MAN2C1: variants seen among roughly 807,000 people sequenced by gnomAD.
MAN2C1 encodes alpha-mannosidase 2C1.
A neutral mutation model predicts 126.9 loss-of-function variants in MAN2C1; 111 were observed. The ratio of observed to expected loss-of-function variants is 0.87; its 90% CI spans 0.75 to 1.02. MAN2C1 has a LOEUF of 1.02. Ranked by LOEUF, MAN2C1 falls within the 50% of genes least tolerant of loss-of-function variation. The probability of loss-of-function intolerance (pLI) is 0.00; values close to 1 mark genes in which losing one functional copy is unlikely to be tolerated. For synonymous variants in MAN2C1, 567 were observed against 561.5 expected, an observed-to-expected ratio of 1.01 and a Z score of -0.14; for missense variants, 1,363 against 1,364.4, an observed-to-expected ratio of 1.00 and a Z score of 0.02.
Position 75,361,472 on chromosome 15 carries a change from G to T in MAN2C1, c.1219-91C>A. On this transcript the variant is annotated intron_variant, in intron 10 of 25. Transcript: ENST00000267978. This position sits in a 1 kb window ranked among gnomAD's most constrained non-coding sequence, Gnocchi z 5.0. The stretch of plus-strand genomic sequence containing the variant: ...TCCAGACTTGGTCCTGCCCCTGCCT[G>T]CTATGTGACCCTGGCAGAGGCAGAG... 1 of 1,279,072 alleles carries T rather than the reference G, an allele frequency of 7.8e-7. No homozygotes were observed. The highest frequency in any genetic ancestry group is 1.1e-6 in the Non-Finnish European group (1 of 879,384). 79.2% of individuals were successfully genotyped at this position (1,279,072 alleles called of 1,614,324 possible).
Position 75,361,198 on chromosome 15 carries a change from A to G in MAN2C1, c.1315-7T>C. ...TGGCCACGGTCTTCAGCACCTAGACAGGTGAGGGCAGGCCAGCATGGATCA... is the reference window on the plus strand; with the variant it reads ...TGGCCACGGTCTTCAGCACCTAGACGGGTGAGGGCAGGCCAGCATGGATCA... On this transcript the variant is annotated splice_polypyrimidine_tract_variant and splice_region_variant and intron_variant, in intron 11 of 25. Transcript: ENST00000267978. The surrounding 1 kb of genome is among the most constrained non-coding windows in gnomAD (Gnocchi z 5.0). 1.2e-6 allele frequency: 2 copies of G among 1,610,164 alleles called. No individual in the cohort carries two copies. Among genetic ancestry groups the G allele is most frequent in the South Asian group, 2.2e-5 (2 of 90,154 alleles).
At position 75,358,200 on chromosome 15, in the gene MAN2C1, C is replaced by T. The variant is rs757919438; in HGVS notation, c.2547+1G>A. ...GCCACTCCCACCCTGCCATGTCAGA[C>T]CTCAAATCGAGCCCAGTCCCAAGAG... is the stretch of plus-strand genomic sequence containing the variant. On this transcript the variant is annotated splice_donor_variant, in intron 21 of 25. Transcript: ENST00000267978. LOFTEE classifies it high-confidence loss of function. 2 of 1,614,088 alleles carry T rather than the reference C, an allele frequency of 1.2e-6. No individual in the cohort carries two copies. The highest frequency in any genetic ancestry group is 1.7e-6 in the Non-Finnish European group (2 of 1,180,002).
intron 1 of MAN2C1, 88 bp downstream of exon 1, chr15:75,368,395 G>T: frequency 6.9e-7 from 1 of 1,444,116 alleles, no homozygotes. Context: ...CCCGCGGCCC[G>T]GGTGGCTGCA....
chr15:75,366,787 C>T lies in MAN2C1; in HGVS notation c.352-195G>A, dbSNP rs575181116. Among the ~76,000 whole-genome samples the T allele has an allele frequency of 5.3e-5, 8 of 152,354 alleles. No individual in the cohort carries two copies. In the South Asian group the frequency reaches 1.2e-3, roughly 24 times the overall value. On this transcript the variant is annotated intron_variant, in intron 3 of 25. Coordinates refer to ENST00000267978, the MANE Select transcript of MAN2C1 (RefSeq NM_006715.4). ...CTCCCATGGCAGCCAGCACCATGAC[C>T]GTCAAATAGCCCCTGTTTACCAGTG...
rs1567268217 is a variant in MAN2C1 at position 75,356,215 on chromosome 15, T to A, written c.2891A>T (p.Glu964Val). The A allele has an allele frequency of 1.2e-6, 2 of 1,613,012 alleles. No individual in the cohort carries two copies. Among genetic ancestry groups the A allele is most frequent in the Non-Finnish European group, 1.7e-6 (2 of 1,179,784 alleles). Reference sequence around the variant, plus strand: ...CAGCGAGCGGCGCTGGGGGCTGCTCTCCGCCTGCAGAGGAACACGTCTGGT... The same window carrying A: ...CAGCGAGCGGCGCTGGGGGCTGCTCACCGCCTGCAGAGGAACACGTCTGGT... ...AVVLETVKQA[E>V]SSPQRRSLVL... The change falls in exon 25 of 26, where the codon GAG becomes GTG. Residue 964 changes from glutamate (E) to valine (V), a missense_variant. Physicochemically the swap from Glu to Val is moderately radical, Grantham distance 121. Coordinates refer to ENST00000267978, the MANE Select transcript of MAN2C1 (RefSeq NM_006715.4). The surrounding 1 kb of genome is among the most constrained non-coding windows in gnomAD (Gnocchi z 5.8).
At position 75,359,724 on chromosome 15, in the gene MAN2C1, C is replaced by T; in HGVS notation, c.1844G>A (p.Cys615Tyr). Reference sequence around the variant, plus strand: ...GCCCTCAGGACCTGGCTCCCCAGCACACAGGGCTGCGGCTGCAGCGCTGAG... The same window carrying T: ...GCCCTCAGGACCTGGCTCCCCAGCATACAGGGCTGCGGCTGCAGCGCTGAG... ...TLLSAAAAAL[C>Y]AGEPGPEGLL... is the part of the protein sequence containing the mutation. The change falls in exon 16 of 26, where the codon TGT (cysteine) becomes TAT (tyrosine). Residue 615 changes from cysteine (C) to tyrosine (Y), a missense_variant. Physicochemically the swap from Cys to Tyr is radical, Grantham distance 194 (BLOSUM62 -2). Around this residue, in one of 3 missense-constraint regions of MAN2C1, gnomAD observed 668 missense variants for 650.1 expected, o/e 1.03. Coordinates refer to ENST00000267978, the MANE Select transcript of MAN2C1 (RefSeq NM_006715.4). The T allele has an allele frequency of 2.5e-6, 4 of 1,614,118 alleles. No individual in the cohort carries two copies. Among genetic ancestry groups the T allele is most frequent in the Non-Finnish European group, 3.4e-6 (4 of 1,180,044 alleles).
intron 4 of MAN2C1, among the ~76,000 whole-genome samples, chr15:75,364,873 G>C (rs887669915): frequency 6.6e-6 from 1 of 152,184 alleles, no homozygotes; most frequent in Non-Finnish European, 1.5e-5. Context: ...CTGTCAGAGA[G>C]AATAAGTAGC....
intron 4 of MAN2C1, 27 bp downstream of exon 4, chr15:75,366,495 C>G (rs200287169): frequency 1.7e-5 from 28 of 1,607,476 alleles, no homozygotes; most frequent in Middle Eastern, 3.5e-4. Flanking sequence ...CCTGACAGCA[C>G]TGGTCAACCA....
intron 21 of MAN2C1, chr15:75,357,114 C>T (rs1237357121): frequency 8.7e-6 from 5 of 574,690 alleles, no homozygotes; most frequent in South Asian, 4.5e-5. Flanking sequence ...GTACTCACCC[C>T]ATCGAATGAT....
rs2072296984 is a variant in MAN2C1, at chr15:75,356,323, A to AC, written c.2863dup (p.Val955GlyfsTer24). 4.3e-6 allele frequency: 7 copies of AC among 1,611,254 alleles called. No individual in the cohort carries two copies. The highest frequency in any genetic ancestry group is 5.9e-6 in the Non-Finnish European group (7 of 1,179,228). The stretch of plus-strand genomic sequence containing the variant: ...TGCCTGCTTGACGGTCTCCAATACG[A>AC]CCGCGGGTGAAGACACGGAAAACGC... On this transcript the variant is annotated frameshift_variant, in exon 24 of 26. Transcript: ENST00000267978. LOFTEE classifies it high-confidence loss of function. This position sits in a 1 kb window ranked among gnomAD's most constrained non-coding sequence, Gnocchi z 5.8.
At position 75,364,479 on chromosome 15, in the gene MAN2C1, G is replaced by A. The variant is rs2072536803; in HGVS notation, c.600+9C>T. 6.4e-7 allele frequency: 1 copy of A among 1,573,854 alleles called. No individual in the cohort carries two copies. Among genetic ancestry groups the A allele is most frequent in the Non-Finnish European group, 8.6e-7 (1 of 1,159,008 alleles). The stretch of plus-strand genomic sequence containing the variant: ...GAGGGTAGCAGGGGGTACAGGGGGT[G>A]TCAAGTACCTTGGCTATGCCCAGCA... On this transcript the variant is annotated intron_variant, in intron 5 of 25. Transcript: ENST00000267978.
In MAN2C1 at chr15:75,364,066, G is replaced by A; in HGVS notation, c.723C>T (p.Phe241=). 10 of 1,614,194 alleles carry A rather than the reference G, an allele frequency of 6.2e-6. No homozygotes were observed. The highest frequency in any genetic ancestry group is 8.5e-6 in the Non-Finnish European group (10 of 1,180,024). ...GGCTTTCACCCCCATGTTGGCCAAA[G>A]AACCTGGAGGCCAGGGCCTGGGCCA... The part of the protein sequence containing the change: ...FPVAQALASR[F]FGQHGGESQH... Residue 241 remains phenylalanine, a synonymous_variant, in exon 6 of 26, where the codon TTC becomes TTT. Coordinates refer to ENST00000267978, the MANE Select transcript of MAN2C1 (RefSeq NM_006715.4).
Position 75,362,150 on chromosome 15 carries a change from G to T in MAN2C1, c.1008+193C>A. On this transcript the variant is annotated intron_variant, in intron 8 of 25. Coordinates refer to ENST00000267978, the MANE Select transcript of MAN2C1 (RefSeq NM_006715.4). The surrounding 1 kb of genome is among the most constrained non-coding windows in gnomAD (Gnocchi z 4.5). ...TGCCCAGGACTAGGCCATGCAACTT[G>T]TCACAGCGCTGGAGGCTCTCCTCCC... 2 of 661,660 alleles carry T rather than the reference G, an allele frequency of 3.0e-6. No individual in the cohort carries two copies. The highest frequency in any genetic ancestry group is 5.3e-6 in the Non-Finnish European group (2 of 380,898). The allele number at this position is 661,660 out of a possible 1,614,324, so 41.0% of individuals were successfully genotyped here. A position where few individuals can be genotyped will look rare whatever the true frequency, so the allele number is the denominator to read the frequency against.
intron 14 of MAN2C1, 41 bp from the exon 15 acceptor site, chr15:75,360,029 C>G (rs2141330716): frequency 6.2e-7 from 1 of 1,614,032 alleles, no homozygotes; most frequent in East Asian, 2.2e-5. Flanking sequence ...CTGGGAGGGG[C>G]AGGCACAGAG....
rs1422506807 is a variant in MAN2C1 at position 75,361,517 on chromosome 15, C to T, written c.1218+87G>A. On this transcript the variant is annotated intron_variant, in intron 10 of 25. Coordinates refer to ENST00000267978, the MANE Select transcript of MAN2C1 (RefSeq NM_006715.4). This position sits in a 1 kb window ranked among gnomAD's most constrained non-coding sequence, Gnocchi z 5.0. Reference sequence around the variant, plus strand: ...GCAGAGTGAGGGTTTGGTGGTCTGTCTAGGACCCCACAATAAGGGGGAGAG... The same window carrying T: ...GCAGAGTGAGGGTTTGGTGGTCTGTTTAGGACCCCACAATAAGGGGGAGAG... The T allele has an allele frequency of 7.7e-7, 1 of 1,293,516 alleles. No homozygotes were observed. Among genetic ancestry groups the T allele is most frequent in the African/African-American group, 1.5e-5 (1 of 68,684 alleles). 80.1% of individuals were successfully genotyped at this position (1,293,516 alleles called of 1,614,324 possible). A position where few individuals can be genotyped will look rare whatever the true frequency, so the allele number is the denominator to read the frequency against.
At position 75,362,019 on chromosome 15, in the gene MAN2C1, C is replaced by T; in HGVS notation, c.1009-72G>A. ...GGAGCAGGCAGGCGCTCAGGCCAAC[C>T]CAATCCCTGCAGGAGAAGCCAGGGC... is the stretch of plus-strand genomic sequence containing the variant. On this transcript the variant is annotated intron_variant, in intron 8 of 25. Transcript: ENST00000267978. The surrounding 1 kb of genome is among the most constrained non-coding windows in gnomAD (Gnocchi z 4.5). 1 of 1,153,010 alleles carries T rather than the reference C, an allele frequency of 8.7e-7. No individual in the cohort carries two copies. The allele number at this position is 1,153,010 out of a possible 1,614,324, so 71.4% of individuals were successfully genotyped here.
chr15:75,356,150 A>C lies in MAN2C1; in HGVS notation c.2956T>G (p.Cys986Gly). The change falls in exon 25 of 26, where the codon TGC becomes GGC. Residue 986 changes from cysteine (C) to glycine (G), a missense_variant. Physicochemically the swap from Cys to Gly is radical, Grantham distance 159. Transcript: ENST00000267978. This position sits in a 1 kb window ranked among gnomAD's most constrained non-coding sequence, Gnocchi z 5.8. Reference protein sequence around the residue: ...LYEAHGSHVDCWLHLSLPVQE... With the variant: ...LYEAHGSHVDGWLHLSLPVQE... The stretch of plus-strand genomic sequence containing the variant: ...ACCGGCAGCGACAAGTGCAGCCAGC[A>C]GTCCACGTGGCTGCCGTGGGCCTCA... 6.2e-7 allele frequency: 1 copy of C among 1,613,718 alleles called. No individual in the cohort carries two copies. Among genetic ancestry groups the C allele is most frequent in the Non-Finnish European group, 8.5e-7 (1 of 1,179,990 alleles).
chr15:75,357,186 C>G, intron 21 of MAN2C1: 1 of 372,364 alleles, frequency 2.7e-6, no homozygotes, highest in South Asian at 3.1e-5. Flanking sequence ...GTCTGTCACC[C>G]AGGCTGGAGT....
rs1204476436 is a variant in MAN2C1 at position 75,359,378 on chromosome 15, T to TG, written c.1995dup (p.Thr666HisfsTer19). 1.2e-6 allele frequency: 2 copies of TG among 1,606,066 alleles called. No individual in the cohort carries two copies. Among genetic ancestry groups the TG allele is most frequent in the Non-Finnish European group, 8.5e-7 (1 of 1,176,910 alleles). Reference sequence around the variant, plus strand: ...TGGGGCAGCAGGGGCTGCAGTGAGGTGGGGGGAGGAACAGGAGCATAGCCC... The same window carrying TG: ...TGGGGCAGCAGGGGCTGCAGTGAGGTGGGGGGGAGGAACAGGAGCATAGCCC... On this transcript the variant is annotated frameshift_variant, in exon 17 of 26. Coordinates refer to ENST00000267978, the MANE Select transcript of MAN2C1 (RefSeq NM_006715.4). LOFTEE classifies it high-confidence loss of function.
Sources: allele counts gnomAD v4.1 joint callset (sites outside exome capture counted in the v4.1 genomes callset), GRCh38; gene constraint gnomAD v4.1.1; regional missense constraint gnomAD v4.1.1; non-coding constraint Gnocchi (gnomAD v3.1); transcripts MANE v1.5; gene names NCBI Gene and HGNC (gene_info 2026-07-23, HGNC 2026-07-21).